The following DLG1 variants were observed in gnomAD, a reference collection of about 807,000 sequenced individuals.
The protein encoded by DLG1 is discs large MAGUK scaffold protein 1, also known as disks large homolog 1.
Under a neutral mutation model 123.4 loss-of-function variants are expected in DLG1, and 42 were observed. The ratio of observed to expected loss-of-function variants is 0.34; its 90% CI spans 0.27 to 0.44. The LOEUF (loss-of-function observed/expected upper bound fraction) is 0.44, where lower values mean the gene tolerates loss of function less well. Ranked by LOEUF, DLG1 falls within the 20% of genes least tolerant of loss-of-function variation. DLG1 has a pLI of 1.00. For missense variants in DLG1, 942 were observed against 1,082.6 expected (o/e 0.87, Z 1.82); for synonymous variants, 317 against 356.2 (o/e 0.89, Z 1.24).
intron 23 of DLG1, among the ~76,000 whole-genome samples, chr3:197,057,568 T>TAACA (rs56846739): frequency 0.022 from 3,336 of 152,308 alleles, 104 homozygotes; most frequent in African/African-American, 0.074. Context: ...TCTGCACCCC[T>TAACA]AACACTGTTA....
rs144556422 is a variant in DLG1, at chr3:197,283,524, G to C, written c.152-679C>G. Among the ~76,000 whole-genome samples, 454 of 152,152 alleles carry C rather than the reference G, an allele frequency of 3.0e-3. 1 individual carries two copies. The highest frequency in any genetic ancestry group is 0.01 in the African/African-American group (433 of 41,512). On this transcript the variant is annotated intron_variant, in intron 3 of 24. Transcript: ENST00000667157. The stretch of plus-strand genomic sequence containing the variant: ...ATAAATGATAAATTTATTTATAATA[G>C]CACAGGATAATTTAAAAGATCAAAT...
intron 4 of DLG1, among the ~76,000 whole-genome samples, chr3:197,253,474 G>A (rs1755406604): frequency 6.6e-6 from 1 of 152,116 alleles, no homozygotes; most frequent in Admixed American, 6.5e-5. Flanking sequence ...CAGCTACTCT[G>A]GAAAGCGGTT....
At chr3:197,188,782 T>C (rs903646266) in intron 5 of DLG1, among the ~76,000 whole-genome samples, 3 of 152,198 alleles carry the variant, frequency 2.0e-5, no homozygotes, top group Non-Finnish European at 4.4e-5. Flanking sequence ...TTTAAATAAA[T>C]TGTTGAGCTT....
At chr3:197,202,493 C>T (rs748914003) in intron 4 of DLG1, among the ~76,000 whole-genome samples, 4 of 152,120 alleles carry the variant, frequency 2.6e-5, no homozygotes, top group Non-Finnish European at 2.9e-5. Context: ...TCTCAATGAA[C>T]GCTCTAAGAA....
intron 24 of DLG1, 139 bp downstream of exon 24, chr3:197,051,438 G>T: frequency 1.7e-6 from 1 of 600,340 alleles, no homozygotes; most frequent in Non-Finnish European, 2.9e-6. Flanking sequence ...AGGTTCCCCA[G>T]CACCACTGCC....
In DLG1 at chr3:197,116,049, T is replaced by A; in HGVS notation, c.1321A>T (p.Thr441Ser). The stretch of plus-strand genomic sequence containing the variant: ...CCTACAATGTTGAAACCAAGGCCCG[T>A]TGAGCCACGATGAAGAACAACTTTT... ...PRKVVLHRGS[T>S]GLGFNIVGGE... The change falls in exon 13 of 25, where the codon ACG becomes TCG. Residue 441 changes from threonine to serine, a missense_variant. Thr to Ser is a moderately conservative substitution (Grantham distance 58, BLOSUM62 1). Coordinates refer to ENST00000667157, the MANE Select transcript of DLG1 (RefSeq NM_001366207.1). 1 of 1,609,124 alleles carries A rather than the reference T, an allele frequency of 6.2e-7. No homozygotes were observed. The highest frequency in any genetic ancestry group is 8.5e-7 in the Non-Finnish European group (1 of 1,178,674).
At chr3:197,143,756 A>G (rs569081172) in intron 6 of DLG1, among the ~76,000 whole-genome samples, 1 of 152,278 alleles carries the variant, frequency 6.6e-6, no homozygotes, top group East Asian at 1.9e-4. Flanking sequence ...TCTTTCCATT[A>G]CATATCCTGC....
At chr3:197,136,329 TA>T in intron 10 of DLG1, 1 of 492,150 alleles carries the variant, frequency 2.0e-6, no homozygotes, top group Non-Finnish European at 3.6e-6. Flanking sequence ...AACAAAGGAA[TA>T]AAAGGAAAAG....
chr3:197,157,049 A>T (rs1796713659), intron 5 of DLG1, among the ~76,000 whole-genome samples: 1 of 152,202 alleles, frequency 6.6e-6, no homozygotes, highest in Non-Finnish European at 1.5e-5. Context: ...CAAAACACAC[A>T]CAGTGAACAT....
intron 5 of DLG1, among the ~76,000 whole-genome samples, chr3:197,192,236 G>A (rs1025243684): frequency 6.6e-6 from 1 of 151,992 alleles, no homozygotes. Context: ...AATTAAACAC[G>A]CTTCTAAGTA....
At chr3:197,066,676 TTA>T in intron 20 of DLG1, 26 bp downstream of exon 20, 1 of 1,541,636 alleles carries the variant, frequency 6.5e-7, no homozygotes. Flanking sequence ...TTCTAGAAGG[TTA>T]TAAAACATCA....
At chr3:197,071,171 C>T (rs1743674863) in intron 18 of DLG1, among the ~76,000 whole-genome samples, 1 of 152,028 alleles carries the variant, frequency 6.6e-6, no homozygotes, top group African/African-American at 2.4e-5. Context: ...TGGTATTACC[C>T]TCTGCAATCT....
intron 7 of DLG1, among the ~76,000 whole-genome samples, chr3:197,140,478 T>C (rs1228557731): frequency 6.6e-6 from 1 of 152,132 alleles, no homozygotes; most frequent in East Asian, 1.9e-4. Flanking sequence ...TTCAAGAAAA[T>C]ACACCAAGGA....
chr3:197,054,257 T>C (rs1730065760), intron 23 of DLG1, among the ~76,000 whole-genome samples: 1 of 152,210 alleles, frequency 6.6e-6, no homozygotes, highest in African/African-American at 2.4e-5. Context: ...TCATTGACTT[T>C]CTTGGATTAT....
rs930870017 is a variant in DLG1 at position 197,165,809 on chromosome 3, T to C, written c.484-16013A>G. On this transcript the variant is annotated intron_variant, in intron 5 of 24. Coordinates refer to ENST00000667157, the MANE Select transcript of DLG1 (RefSeq NM_001366207.1). ...TCAAGTGGATATACACATGGAAAAATCAAACAAATACTGATTCCTACCCTT... is the reference window on the plus strand; with the variant it reads ...TCAAGTGGATATACACATGGAAAAACCAAACAAATACTGATTCCTACCCTT... Among the ~76,000 whole-genome samples the C allele has an allele frequency of 5.3e-5, 8 of 152,166 alleles. 1 individual carries two copies. Among genetic ancestry groups the C allele is most frequent in the African/African-American group, 1.7e-4 (7 of 41,426 alleles).
chr3:197,101,591 G>A (rs909409093), intron 14 of DLG1, among the ~76,000 whole-genome samples: 1 of 151,916 alleles, frequency 6.6e-6, no homozygotes, highest in African/African-American at 2.4e-5. Context: ...GGGTTTCACC[G>A]TGTTAGCCAG....
intron 4 of DLG1, among the ~76,000 whole-genome samples, chr3:197,198,579 T>C (rs1364669156): frequency 2.0e-5 from 3 of 151,878 alleles, no homozygotes; most frequent in Non-Finnish European, 4.4e-5. Flanking sequence ...ATACATCTTA[T>C]AGCTCAACAA....
chr3:197,173,783 T>C (rs113047770), intron 5 of DLG1, among the ~76,000 whole-genome samples: 159 of 152,310 alleles, frequency 1.0e-3, no homozygotes, highest in Non-Finnish European at 1.8e-3. Context: ...AATACACAAA[T>C]AGGCATGGCT....
rs968220701 is a variant in DLG1 at position 197,078,029 on chromosome 3, C to T, written c.1906-1344G>A. 2.0e-5 allele frequency among the ~76,000 whole-genome samples: 3 copies of T among 151,520 alleles called. No individual in the cohort carries two copies. The South Asian group carries it at 6.2e-4, about 32-fold the overall frequency. ...GTGATGCCAGGTAATTAAGGTGAAGCAGCCAGGTGTGGTGGCTCACATCTG... is the reference window on the plus strand; with the variant it reads ...GTGATGCCAGGTAATTAAGGTGAAGTAGCCAGGTGTGGTGGCTCACATCTG... On this transcript the variant is annotated intron_variant, in intron 17 of 24. Transcript: ENST00000667157.
Sources: allele counts gnomAD v4.1 joint callset (sites outside exome capture counted in the v4.1 genomes callset), GRCh38; gene constraint gnomAD v4.1.1; transcripts MANE v1.5; gene names NCBI Gene and HGNC (gene_info 2026-07-23, HGNC 2026-07-21).